The following TENM2 variants were observed in gnomAD, a reference collection of about 807,000 sequenced individuals.
TENM2 encodes teneurin-2.
In TENM2, 52 loss-of-function variants were observed where a neutral mutation model predicts 245.2. The observed-to-expected ratio is 0.21, with a 90% CI of 0.17 to 0.27. The LOEUF is 0.27. TENM2 is among the 10% of genes least tolerant of loss of function. TENM2 has a pLI of 1.00. For missense variants in TENM2, 3,046 were observed against 3,666.8 expected, an observed-to-expected ratio of 0.83 and a Z score of 4.37; for synonymous variants, 1,363 against 1,438.9, an observed-to-expected ratio of 0.95 and a Z score of 1.19.
At position 167,694,694 on chromosome 5, in the gene TENM2, C is replaced by T. The variant is rs558755024; in HGVS notation, c.503-181292C>T. ...TTTCCTTTCCCATCCTTTTGAGAATCGGGCCCCAGCTCTTAATCTCTTGGT... is the reference window on the plus strand; with the variant it reads ...TTTCCTTTCCCATCCTTTTGAGAATTGGGCCCCAGCTCTTAATCTCTTGGT... On this transcript the variant is annotated intron_variant, in intron 2 of 28. Transcript: ENST00000518659. 9.9e-5 allele frequency among the ~76,000 whole-genome samples: 15 copies of T among 152,206 alleles called. No individual in the cohort carries two copies. The East Asian group carries it at 2.1e-3, about 22-fold the overall frequency.
intron 5 of TENM2, among the ~76,000 whole-genome samples, chr5:168,014,379 A>C (rs1243170505): frequency 1.3e-5 from 2 of 152,086 alleles, no homozygotes; most frequent in Non-Finnish European, 1.5e-5. Flanking sequence ...GTAATTAGTA[A>C]GTAAGAGGGC....
the TENM2 span, among the ~76,000 whole-genome samples, chr5:167,096,488 T>C: frequency 2.0e-5 from 3 of 152,188 alleles, no homozygotes; most frequent in African/African-American, 4.8e-5. Context: ...TCACTCTCTT[T>C]CCAGGCTTTC....
chr5:168,142,358 C>T (rs1306558233), intron 12 of TENM2, among the ~76,000 whole-genome samples: 2 of 152,200 alleles, frequency 1.3e-5, no homozygotes, highest in African/African-American at 4.8e-5. Context: ...AATGGCTTTA[C>T]CTTGACATTT....
chr5:167,609,327 G>A (rs1777282439), intron 2 of TENM2, among the ~76,000 whole-genome samples: 1 of 151,942 alleles, frequency 6.6e-6, no homozygotes, highest in Non-Finnish European at 1.5e-5. Context: ...AATTGTACTT[G>A]GATATCCAAT....
chr5:167,736,463 A>G (rs985849254), intron 2 of TENM2, among the ~76,000 whole-genome samples: 6 of 152,114 alleles, frequency 3.9e-5, no homozygotes, highest in African/African-American at 1.2e-4. Flanking sequence ...GTGATTTTAT[A>G]GGGGTCAAAA....
At chr5:167,603,025 G>C (rs946186790) in intron 2 of TENM2, among the ~76,000 whole-genome samples, 1 of 152,124 alleles carries the variant, frequency 6.6e-6, no homozygotes, top group East Asian at 1.9e-4. Flanking sequence ...TGTAAGATGG[G>C]TATGATTCTG....
At chr5:167,690,783 C>T (rs1757372605) in intron 2 of TENM2, among the ~76,000 whole-genome samples, 1 of 152,004 alleles carries the variant, frequency 6.6e-6, no homozygotes, top group Non-Finnish European at 1.5e-5. Context: ...AACATTTTGT[C>T]ACCGCTTAAA....
At chr5:167,604,993 T>A (rs1006877475) in intron 2 of TENM2, among the ~76,000 whole-genome samples, 4 of 152,112 alleles carry the variant, frequency 2.6e-5, no homozygotes, top group Non-Finnish European at 5.9e-5. Flanking sequence ...ACGGACATGG[T>A]TTGATCAAAG....
chr5:168,193,800 CTAAGA>C (rs1346685966), intron 14 of TENM2, among the ~76,000 whole-genome samples: 1 of 152,118 alleles, frequency 6.6e-6, no homozygotes, highest in Non-Finnish European at 1.5e-5. Context: ...TTAGTCCGAG[CTAAGA>C]TAAGAAAATG....
intron 2 of TENM2, among the ~76,000 whole-genome samples, chr5:167,613,056 T>C (rs1421973422): frequency 6.6e-6 from 1 of 152,186 alleles, no homozygotes; most frequent in Non-Finnish European, 1.5e-5. Context: ...ATAAAAATGC[T>C]ATCATTATTC....
chr5:167,391,951 C>T (rs1420824896), intron 2 of TENM2, among the ~76,000 whole-genome samples: 1 of 152,068 alleles, frequency 6.6e-6, no homozygotes, highest in East Asian at 1.9e-4. Flanking sequence ...CAGGAGCAAA[C>T]TCTGAGTAGT....
intron 3 of TENM2, among the ~76,000 whole-genome samples, chr5:167,895,689 T>C (rs114725471): frequency 0.02 from 2,973 of 152,328 alleles, 99 homozygotes; most frequent in African/African-American, 0.067. Context: ...TCCAAAAATT[T>C]GCATTTCTAG....
At chr5:168,203,530 A>G (rs1762098912) in intron 17 of TENM2, among the ~76,000 whole-genome samples, 159 bp from the exon 20 acceptor site, 1 of 152,242 alleles carries the variant, frequency 6.6e-6, no homozygotes, top group Non-Finnish European at 1.5e-5. Context: ...TTGTAGCATC[A>G]CAAGGAGAAA....
At chr5:167,604,675 T>C (rs1177082726) in intron 2 of TENM2, among the ~76,000 whole-genome samples, 3 of 152,194 alleles carry the variant, frequency 2.0e-5, no homozygotes, top group Non-Finnish European at 2.9e-5. Context: ...AGGATAGAAA[T>C]GAGACACATC....
At chr5:167,329,598 T>G (rs1172784969) in intron 1 of TENM2, among the ~76,000 whole-genome samples, 1 of 138,804 alleles carries the variant, frequency 7.2e-6, no homozygotes, top group Non-Finnish European at 1.5e-5. Flanking sequence ...CATACTCCCC[T>G]TACGTTTTTG....
At chr5:167,537,618 A>C (rs1257256723) in intron 2 of TENM2, among the ~76,000 whole-genome samples, 1 of 152,370 alleles carries the variant, frequency 6.6e-6, no homozygotes, top group Non-Finnish European at 1.5e-5. Context: ...CTTCAACAAA[A>C]GTCATGGCTT....
At chr5:167,443,718 C>G (rs1383873986) in intron 2 of TENM2, among the ~76,000 whole-genome samples, 1 of 152,048 alleles carries the variant, frequency 6.6e-6, no homozygotes, top group Non-Finnish European at 1.5e-5. Flanking sequence ...TATGTTTTGC[C>G]TCACAGTAAA....
At chr5:167,489,284 C>A (rs879630996) in intron 2 of TENM2, among the ~76,000 whole-genome samples, 1 of 152,198 alleles carries the variant, frequency 6.6e-6, no homozygotes, top group Admixed American at 6.5e-5. Flanking sequence ...TCTGGCTCTA[C>A]TGACCTTTCA....
rs749937572 is a variant in TENM2 at position 168,247,698 on chromosome 5, G to T, written c.6759G>T (p.Arg2253=). 94 of 1,613,766 alleles carry T rather than the reference G, an allele frequency of 5.8e-5. No homozygotes were observed. The highest frequency in any genetic ancestry group is 8.0e-5 in the Non-Finnish European group (94 of 1,179,912). Residue 2253 remains arginine, a synonymous_variant, in exon 27 of 29, where the codon CGG becomes CGT. Transcript: ENST00000518659. The surrounding 1 kb of genome is among the most constrained non-coding windows in gnomAD (Gnocchi z 7.8). ...CCTTGCGCTATGACCTCCGGGATCG[G>T]ATAACCAGACTCGGGGATGTGCAGT...
Sources: gnomAD v4.1 joint callset for allele counts (sites outside exome capture counted in the v4.1 genomes callset) on GRCh38, gnomAD v4.1.1 for gene constraint, Gnocchi (gnomAD v3.1) non-coding constraint, MANE v1.5 for transcripts, NCBI Gene and HGNC (gene_info 2026-07-23, HGNC 2026-07-21) for gene names.